The following GALNT10 variants were observed in gnomAD, a reference collection of about 807,000 sequenced individuals.
GALNT10 encodes the protein GalNAc transferase 10.
In GALNT10, 41 loss-of-function variants were observed where a neutral mutation model predicts 75.0. The observed-to-expected ratio is 0.55, with a 90% CI of 0.43 to 0.71. The LOEUF (loss-of-function observed/expected upper bound fraction) is 0.71, where lower values mean the gene tolerates loss of function less well. GALNT10 is among the 30% of genes least tolerant of loss of function. GALNT10 has a pLI of 0.00. For missense variants in GALNT10, 727 were observed against 818.5 expected (o/e 0.89, Z 1.36); for synonymous variants, 302 against 313.0 (o/e 0.96, Z 0.37).
intron 1 of GALNT10, among the ~76,000 whole-genome samples, chr5:154,201,937 GA>G (rs5872362): frequency 0.51 from 74,302 of 144,412 alleles, 19,450 homozygotes; most frequent in African/African-American, 0.64. Context: ...TCGAGGAAAA[GA>G]AAAAAAAAAA....
chr5:154,415,504 A>T, intron 10 of GALNT10, among the ~76,000 whole-genome samples: 1 of 151,944 alleles, frequency 6.6e-6, no homozygotes, highest in Non-Finnish European at 1.5e-5. Context: ...ACACCCAGCT[A>T]ATCTTTGTAT....
chr5:154,286,919 A>G, intron 1 of GALNT10, among the ~76,000 whole-genome samples: 1 of 152,194 alleles, frequency 6.6e-6, no homozygotes, highest in East Asian at 1.9e-4. Context: ...TTGTTTTCTC[A>G]TACAGCTTGG....
chr5:154,199,185 G>C (rs546591817), intron 1 of GALNT10, among the ~76,000 whole-genome samples: 1 of 152,266 alleles, frequency 6.6e-6, no homozygotes, highest in African/African-American at 2.4e-5. Context: ...ACAATCCCTA[G>C]GGAGCCTGTT....
At chr5:154,414,815 CTG>C (rs1273169104) in intron 10 of GALNT10, among the ~76,000 whole-genome samples, 1 of 152,126 alleles carries the variant, frequency 6.6e-6, no homozygotes, top group East Asian at 1.9e-4. Flanking sequence ...CTCAGACTAA[CTG>C]TGAAAAGAAA....
intron 1 of GALNT10, among the ~76,000 whole-genome samples, chr5:154,283,252 T>C (rs1055807397): frequency 5.4e-5 from 7 of 128,782 alleles, no homozygotes; most frequent in African/African-American, 2.1e-4. Flanking sequence ...GAGACCAACC[T>C]GGGCAACATA....
At chr5:154,397,427 C>T (rs1298923427) in intron 7 of GALNT10, among the ~76,000 whole-genome samples, 1 of 152,162 alleles carries the variant, frequency 6.6e-6, no homozygotes, top group African/African-American at 2.4e-5. Flanking sequence ...CTCACGGTGT[C>T]CTCTGAGCTT....
At chr5:154,338,361 C>T in intron 4 of GALNT10, 1 of 466,140 alleles carries the variant, frequency 2.1e-6, no homozygotes, top group Non-Finnish European at 4.0e-6. Flanking sequence ...GATTTGAGAC[C>T]TCAGGCTCTC....
intron 9 of GALNT10, among the ~76,000 whole-genome samples, chr5:154,411,045 G>C (rs1289328628): frequency 2.0e-5 from 3 of 152,154 alleles, no homozygotes; most frequent in Non-Finnish European, 4.4e-5. Context: ...TGGGATCCTG[G>C]GTCTCTGAGC....
chr5:154,314,206 T>C (rs2113099104), intron 3 of GALNT10, among the ~76,000 whole-genome samples: 1 of 152,256 alleles, frequency 6.6e-6, no homozygotes, highest in East Asian at 1.9e-4. Context: ...AAGAGGAAAC[T>C]AAGTCTCAGG....
At position 154,376,505 on chromosome 5, in the gene GALNT10, A is replaced by G. The variant is rs1466452970; in HGVS notation, c.754+43A>G. 7.0e-7 allele frequency: 1 copy of G among 1,429,998 alleles called. No individual in the cohort carries two copies. The highest frequency in any genetic ancestry group is 9.5e-7 in the Non-Finnish European group (1 of 1,054,370). The allele number at this position is 1,429,998 out of a possible 1,614,324, so 88.6% of individuals were successfully genotyped here. ...ACTTGGAGGGAGGCAAACTGCAATG[A>G]GCCAGTGCCAGTGGCCCCCTCCTGC... On this transcript the variant is annotated intron_variant, in intron 5 of 11. Coordinates refer to ENST00000297107, the MANE Select transcript of GALNT10 (RefSeq NM_198321.4). The surrounding 1 kb of genome is among the most constrained non-coding windows in gnomAD (Gnocchi z 4.1).
chr5:154,307,449 T>A (rs900392047), intron 3 of GALNT10, among the ~76,000 whole-genome samples: 1 of 151,764 alleles, frequency 6.6e-6, no homozygotes, highest in Non-Finnish European at 1.5e-5. Context: ...TGAAACCCCG[T>A]CTCTACTAAA....
chr5:154,245,877 A>G (rs1316586035), intron 1 of GALNT10, among the ~76,000 whole-genome samples: 1 of 150,598 alleles, frequency 6.6e-6, no homozygotes, highest in African/African-American at 2.5e-5. Flanking sequence ...TTACATATAT[A>G]TACATGTGCC....
At chr5:154,328,326 T>C (rs1308878168) in intron 3 of GALNT10, among the ~76,000 whole-genome samples, 1 of 152,122 alleles carries the variant, frequency 6.6e-6, no homozygotes, top group East Asian at 1.9e-4. Context: ...CCCCTAAGCT[T>C]ACCGTGGGGC....
chr5:154,219,834 T>TCACACA lies in GALNT10; in HGVS notation c.159+28810_159+28811insACACAC, dbSNP rs763537693. ...CGCGCTCTCTCTCTCTCTCTCTCTC[T>TCACACA]CTCTCACACACACACACACACACAC... is the stretch of plus-strand genomic sequence containing the variant. On this transcript the variant is annotated intron_variant, in intron 1 of 11. Coordinates refer to ENST00000297107, the MANE Select transcript of GALNT10 (RefSeq NM_198321.4). Among the ~76,000 whole-genome samples the TCACACA allele has an allele frequency of 5.1e-3, 663 of 129,690 alleles. 2 individuals carry two copies. The highest frequency in any genetic ancestry group is 6.7e-3 in the Non-Finnish European group (406 of 60,244). The allele number at this position is 129,690 out of a possible 152,430, so 85.1% of individuals were successfully genotyped here. A position where few individuals can be genotyped will look rare whatever the true frequency, so the allele number is the denominator to read the frequency against.
At chr5:154,270,991 CAAAAAAAAAAAA>C (rs5872366) in intron 1 of GALNT10, among the ~76,000 whole-genome samples, 1 of 76,122 alleles carries the variant, frequency 1.3e-5, no homozygotes, top group Non-Finnish European at 2.5e-5. Context: ...GATTCCATCT[CAAAAAAAAAAAA>C]AAAAAAAAAG....
At chr5:154,195,555 T>C (rs1774924321) in intron 1 of GALNT10, among the ~76,000 whole-genome samples, 1 of 152,240 alleles carries the variant, frequency 6.6e-6, no homozygotes, top group Admixed American at 6.5e-5. Flanking sequence ...GTTTGCTGAA[T>C]GATTGAAATA....
At chr5:154,296,797 G>T (rs1392693071) in intron 2 of GALNT10, among the ~76,000 whole-genome samples, 1 of 152,062 alleles carries the variant, frequency 6.6e-6, no homozygotes, top group African/African-American at 2.4e-5. Context: ...AACACTTCTG[G>T]TCTCCTGCTT....
intron 4 of GALNT10, chr5:154,356,314 A>T: frequency 2.4e-6 from 1 of 419,042 alleles, no homozygotes; most frequent in Non-Finnish European, 4.8e-6. Flanking sequence ...AACTCTTAAA[A>T]GTTGATGCTT....
intron 1 of GALNT10, among the ~76,000 whole-genome samples, chr5:154,269,068 C>T (rs1489689093): frequency 1.1e-5 from 1 of 90,136 alleles, no homozygotes; most frequent in Non-Finnish European, 2.2e-5. Flanking sequence ...TCACTGCAAT[C>T]TCCACTTCCC....
Sources: gnomAD v4.1 joint callset for allele counts (sites outside exome capture counted in the v4.1 genomes callset) on GRCh38, gnomAD v4.1.1 for gene constraint, Gnocchi (gnomAD v3.1) non-coding constraint, MANE v1.5 for transcripts, NCBI Gene and HGNC (gene_info 2026-07-23, HGNC 2026-07-21) for gene names.